CCSER1: variants seen among roughly 807,000 people sequenced by gnomAD.
CCSER1 encodes the protein coiled-coil serine rich protein 1.
CCSER1 carries 41 observed loss-of-function variants against 82.0 expected under a neutral mutation model. The ratio of observed to expected loss-of-function variants is 0.50; its 90% CI spans 0.39 to 0.65. CCSER1 has a LOEUF of 0.65. Among genes scored for constraint, CCSER1 ranks in the 30% least tolerant of loss-of-function variants. The pLI is 0.00. For missense variants in CCSER1, 1,119 were observed against 1,064.2 expected, an observed-to-expected ratio of 1.05 and a Z score of -0.72; for synonymous variants, 414 against 383.9, an observed-to-expected ratio of 1.08 and a Z score of -0.92.
chr4:90,904,263 T>A (rs899959831), intron 8 of CCSER1, among the ~76,000 whole-genome samples: 3 of 152,124 alleles, frequency 2.0e-5, no homozygotes, highest in Admixed American at 2.0e-4. Flanking sequence ...CAACTGTAAT[T>A]AACAACACAA....
intron 10 of CCSER1, among the ~76,000 whole-genome samples, chr4:91,520,714 C>T (rs1760412416): frequency 6.6e-6 from 1 of 152,050 alleles, no homozygotes; most frequent in South Asian, 2.1e-4. Flanking sequence ...GGTCTGCTGG[C>T]AACAAATTCC....
intron 10 of CCSER1, among the ~76,000 whole-genome samples, chr4:91,097,529 AT>A (rs1292997590): frequency 1.3e-5 from 2 of 152,198 alleles, no homozygotes; most frequent in Non-Finnish European, 2.9e-5. Context: ...ACACTTGAAT[AT>A]TTTAGATAGT....
At chr4:91,041,420 G>T (rs939777856) in intron 9 of CCSER1, among the ~76,000 whole-genome samples, 55 of 152,228 alleles carry the variant, frequency 3.6e-4, no homozygotes, top group African/African-American at 1.3e-3. Flanking sequence ...CTATGAGCTA[G>T]CATTGCTTTG....
At chr4:90,688,709 CAAAT>C (rs1735264730) in intron 6 of CCSER1, among the ~76,000 whole-genome samples, 1 of 151,822 alleles carries the variant, frequency 6.6e-6, no homozygotes, top group African/African-American at 2.4e-5. Flanking sequence ...TATACTGAGA[CAAAT>C]AAAAAATATA....
At chr4:90,339,717 C>T (rs1365999014) in intron 3 of CCSER1, among the ~76,000 whole-genome samples, 3 of 152,080 alleles carry the variant, frequency 2.0e-5, no homozygotes, top group African/African-American at 7.2e-5. Context: ...ATCATTATGT[C>T]ATCCCTGACC....
At chr4:91,231,614 A>T (rs1299189162) in intron 10 of CCSER1, among the ~76,000 whole-genome samples, 1 of 151,840 alleles carries the variant, frequency 6.6e-6, no homozygotes, top group Non-Finnish European at 1.5e-5. Context: ...AAGAAAAAAG[A>T]TAAAGACTCC....
At chr4:91,019,224 C>T (rs1739703888) in intron 9 of CCSER1, among the ~76,000 whole-genome samples, 1 of 151,632 alleles carries the variant, frequency 6.6e-6, no homozygotes, top group Admixed American at 6.6e-5. Flanking sequence ...CCTCTATAAA[C>T]AAATATATTT....
At chr4:90,214,396 G>A (rs549315969) in intron 1 of CCSER1, among the ~76,000 whole-genome samples, 2 of 152,280 alleles carry the variant, frequency 1.3e-5, no homozygotes, top group Admixed American at 6.5e-5. Flanking sequence ...TCACCTAGGC[G>A]AGTTAGGGAT....
At chr4:91,345,739 A>G (rs79571831) in intron 10 of CCSER1, among the ~76,000 whole-genome samples, 3,211 of 152,244 alleles carry the variant, frequency 0.021, 104 homozygotes, top group African/African-American at 0.073. Context: ...TGTGCCTTAT[A>G]TGAATTTTGA....
At chr4:91,597,688 T>C (rs1486880165) in intron 10 of CCSER1, among the ~76,000 whole-genome samples, 2 of 152,146 alleles carry the variant, frequency 1.3e-5, no homozygotes, top group African/African-American at 2.4e-5. Flanking sequence ...CTATCTATAG[T>C]GCTCTTCTCT....
intron 9 of CCSER1, among the ~76,000 whole-genome samples, chr4:90,979,559 T>G (rs1468533291): frequency 6.6e-6 from 1 of 151,790 alleles, no homozygotes; most frequent in East Asian, 1.9e-4. Flanking sequence ...AGCTAAGGAC[T>G]TCTGGTAGTT....
chr4:90,941,318 T>A lies in CCSER1; in HGVS notation c.2172+17871T>A, dbSNP rs536714346. 3.9e-5 allele frequency among the ~76,000 whole-genome samples: 6 copies of A among 152,224 alleles called. 1 individual carries two copies. The South Asian group carries it at 1.2e-3, about 32-fold the overall frequency. ...ACTTATCATTGTCTGTTAAGTTTAT[T>A]ACATATAGCTATGTTTTAAATGATT... On this transcript the variant is annotated intron_variant, in intron 9 of 10. Transcript: ENST00000509176.
intron 8 of CCSER1, among the ~76,000 whole-genome samples, chr4:90,885,028 G>A (rs1345511649): frequency 6.6e-6 from 1 of 152,026 alleles, no homozygotes; most frequent in African/African-American, 2.4e-5. Context: ...TCTACTAAAA[G>A]CATAAACTCA....
At chr4:91,209,058 A>C (rs180926850) in intron 10 of CCSER1, among the ~76,000 whole-genome samples, 1 of 152,064 alleles carries the variant, frequency 6.6e-6, no homozygotes, top group Admixed American at 6.6e-5. Flanking sequence ...TTGTACATTA[A>C]TTTTGTATCC....
Position 90,308,812 on chromosome 4 carries a change from A to G in CCSER1, c.528A>G (p.Ser176=), listed in dbSNP as rs954453775. ...EDQTRRSVKQ[S]TRKLLPKSFS... is the part of the protein sequence containing the mutation. ...AAACTCGTCGTTCTGTTAAGCAGTC[A>G]ACAAGGAAGCTACTCCCTAAATCTT... Residue 176 remains serine (S), a synonymous_variant, in exon 2 of 11, where the codon TCA becomes TCG. Coordinates refer to ENST00000509176, the MANE Select transcript of CCSER1 (RefSeq NM_001145065.2). 6.2e-7 allele frequency: 1 copy of G among 1,613,806 alleles called. No individual in the cohort carries two copies. The highest frequency in any genetic ancestry group is 1.3e-5 in the African/African-American group (1 of 75,050).
intron 1 of CCSER1, among the ~76,000 whole-genome samples, chr4:90,175,090 A>G (rs1038073750): frequency 1.3e-5 from 2 of 152,018 alleles, no homozygotes; most frequent in African/African-American, 4.8e-5. Flanking sequence ...AAGAGCCAGA[A>G]ACTGGTAACA....
At chr4:90,668,458 C>T (rs1455070882) in intron 6 of CCSER1, among the ~76,000 whole-genome samples, 1 of 152,100 alleles carries the variant, frequency 6.6e-6, no homozygotes, top group African/African-American at 2.4e-5. Context: ...ATTGATAATT[C>T]AAAACCACTT....
intron 3 of CCSER1, among the ~76,000 whole-genome samples, chr4:90,369,650 T>C (rs952298335): frequency 5.3e-5 from 8 of 151,974 alleles, no homozygotes; most frequent in African/African-American, 1.7e-4. Context: ...TGTACTAATA[T>C]AAATGTATCT....
chr4:91,082,574 C>G (rs1480341305), intron 9 of CCSER1, among the ~76,000 whole-genome samples: 1 of 152,092 alleles, frequency 6.6e-6, no homozygotes, highest in East Asian at 1.9e-4. Flanking sequence ...TCTAATTAAA[C>G]TAAAGAGCTT....
Sources: allele counts gnomAD v4.1 joint callset (sites outside exome capture counted in the v4.1 genomes callset), GRCh38; gene constraint gnomAD v4.1.1; transcripts MANE v1.5; gene names NCBI Gene and HGNC (gene_info 2026-07-23, HGNC 2026-07-21).